Variants in CNOT6L observed in about 807,000 individuals in gnomAD.
CNOT6L encodes the protein CCR4-NOT transcription complex subunit 6-like.
A neutral mutation model predicts 64.0 loss-of-function variants in CNOT6L; 7 were observed. That is an observed-to-expected ratio of 0.11 (90% CI 0.06 to 0.21). The LOEUF (loss-of-function observed/expected upper bound fraction) is 0.21. Ranked by LOEUF, CNOT6L falls within the 10% of genes least tolerant of loss-of-function variation. The probability of loss-of-function intolerance (pLI) is 1.00; values close to 1 mark genes in which losing one functional copy is unlikely to be tolerated. For missense variants in CNOT6L, 245 were observed against 669.0 expected, an observed-to-expected ratio of 0.37 and a Z score of 6.99; for synonymous variants, 193 against 243.4, an observed-to-expected ratio of 0.79 and a Z score of 1.93.
At chr4:77,776,983 C>T (rs529720322) in intron 1 of CNOT6L, among the ~76,000 whole-genome samples, 27 of 152,290 alleles carry the variant, frequency 1.8e-4, no homozygotes, top group Non-Finnish European at 2.9e-4. Flanking sequence ...CCATGGAAGG[C>T]AGAGTCTGGA....
At position 77,716,021 on chromosome 4, in the gene CNOT6L, G is replaced by C. The variant is rs557471240; in HGVS notation, c.*4410C>G. 13 of 152,290 alleles carry C rather than the reference G, an allele frequency of 8.5e-5. No individual in the cohort carries two copies. The highest frequency in any genetic ancestry group is 1.8e-4 in the Non-Finnish European group (12 of 67,984). The allele number at this position is 152,290 out of a possible 1,614,324, so 9.4% of individuals were successfully genotyped here. On this transcript the variant is annotated 3_prime_UTR_variant, in exon 12 of 12. Coordinates refer to ENST00000504123, the MANE Select transcript of CNOT6L (RefSeq NM_144571.3). ...TTAGTTCAAGCTTCTGGCTTCCCTAGTTAATTTCTCTACCTACAATTCACA... is the reference window on the plus strand; with the variant it reads ...TTAGTTCAAGCTTCTGGCTTCCCTACTTAATTTCTCTACCTACAATTCACA...
chr4:77,773,057 C>T, intron 4 of CNOT6L, 24 bp downstream of exon 4: 1 of 1,526,738 alleles, frequency 6.5e-7, no homozygotes, highest in Non-Finnish European at 8.9e-7. Flanking sequence ...CAGAATACCT[C>T]AAAACTGTTT....
intron 11 of CNOT6L, among the ~76,000 whole-genome samples, chr4:77,722,265 C>T (rs1191178839): frequency 2.6e-5 from 4 of 151,942 alleles, no homozygotes; most frequent in African/African-American, 9.7e-5. Flanking sequence ...AACAGAATCT[C>T]CTATAGGGCT....
chr4:77,815,109 T>C (rs1380929046), intron 1 of CNOT6L, among the ~76,000 whole-genome samples: 5 of 152,142 alleles, frequency 3.3e-5, no homozygotes, highest in African/African-American at 1.2e-4. Context: ...TCCCTCAAAG[T>C]ATAAAGTAAT....
chr4:77,818,165 G>T (rs1041111221), intron 1 of CNOT6L, among the ~76,000 whole-genome samples: 2 of 152,190 alleles, frequency 1.3e-5, no homozygotes, highest in African/African-American at 4.8e-5. Flanking sequence ...ACGGTAAAAT[G>T]TAACACTGTG....
chr4:77,773,159 G>C lies in CNOT6L; in HGVS notation c.322C>G (p.Leu108Val). The C allele has an allele frequency of 1.3e-6, 2 of 1,541,822 alleles. No homozygotes were observed. The highest frequency in any genetic ancestry group is 1.7e-6 in the Non-Finnish European group (2 of 1,146,234). ...LGNMVSLREL[L>V]LNNNLLRVLP... ...ACCCGTAACAGATTGTTATTTAAAA[G>C]CAATTCCCTGTTTTAAAAAAAAAAA... The change falls in exon 4 of 12, where the codon CTT (leucine) becomes GTT (valine). Residue 108 changes from leucine to valine, a missense_variant. Coordinates refer to ENST00000504123, the MANE Select transcript of CNOT6L (RefSeq NM_144571.3).
chr4:77,742,028 T>C (rs1042881407), intron 8 of CNOT6L, 113 bp downstream of exon 8: 61 of 924,714 alleles, frequency 6.6e-5, no homozygotes, highest in Non-Finnish European at 9.2e-5. Flanking sequence ...AGTTGCATAA[T>C]ACTTGTTTTC....
intron 4 of CNOT6L, 33 bp downstream of exon 4, chr4:77,773,048 A>G: frequency 7.0e-7 from 1 of 1,431,964 alleles, no homozygotes; most frequent in Non-Finnish European, 9.6e-7. Flanking sequence ...TAAAAGGCTC[A>G]GAATACCTCA....
intron 9 of CNOT6L, among the ~76,000 whole-genome samples, chr4:77,730,590 G>C (rs966375190): frequency 1.3e-5 from 2 of 151,912 alleles, no homozygotes; most frequent in African/African-American, 4.8e-5. Flanking sequence ...AAAAACGGAG[G>C]GGCTAAGAAA....
At chr4:77,764,950 G>A (rs1726660815) in intron 4 of CNOT6L, among the ~76,000 whole-genome samples, 1 of 152,152 alleles carries the variant, frequency 6.6e-6, no homozygotes, top group Non-Finnish European at 1.5e-5. Context: ...TTGAGTAGGG[G>A]CTGGGTAAAA....
At chr4:77,755,787 C>T (rs1725495585) in intron 5 of CNOT6L, among the ~76,000 whole-genome samples, 1 of 152,096 alleles carries the variant, frequency 6.6e-6, no homozygotes, top group African/African-American at 2.4e-5. Context: ...GCCAAAATGT[C>T]ATCATGGCCA....
At chr4:77,778,685 A>G (rs528034668) in intron 1 of CNOT6L, among the ~76,000 whole-genome samples, 2 of 150,054 alleles carry the variant, frequency 1.3e-5, no homozygotes, top group Admixed American at 6.6e-5. Context: ...GATTACAGGC[A>G]TCCCAAAGTG....
chr4:77,773,020 A>T, intron 4 of CNOT6L, 61 bp downstream of exon 4: 1 of 1,076,352 alleles, frequency 9.3e-7, no homozygotes, highest in Non-Finnish European at 1.4e-6. Flanking sequence ...TGACCTTTTT[A>T]AAGGCCAAAA....
At chr4:77,778,758 G>T (rs1728451854) in intron 1 of CNOT6L, among the ~76,000 whole-genome samples, 1 of 151,600 alleles carries the variant, frequency 6.6e-6, no homozygotes, top group African/African-American at 2.4e-5. Context: ...ATAAAACACA[G>T]GGCAGGCCGG....
In CNOT6L at chr4:77,773,109, G is replaced by A. The variant is rs1432830843; in HGVS notation, c.372C>T (p.Leu124=). The change falls in exon 4 of 12, where the codon CTC becomes CTT. Residue 124 remains leucine (L), a synonymous_variant. Transcript: ENST00000504123. ...TCAAACCTAGAGTTTGTAGCTGGAAGAGCCGACCAAGTTCATAAGGCAAAA... is the reference window on the plus strand; with the variant it reads ...TCAAACCTAGAGTTTGTAGCTGGAAAAGCCGACCAAGTTCATAAGGCAAAA... ...LRVLPYELGR[L]FQLQTLGLKG... The A allele has an allele frequency of 3.7e-6, 6 of 1,602,604 alleles. No homozygotes were observed. Among genetic ancestry groups the A allele is most frequent in the Non-Finnish European group, 4.2e-6 (5 of 1,176,618 alleles).
At position 77,773,186 on chromosome 4, in the gene CNOT6L, A is replaced by G; in HGVS notation, c.315-20T>C. 6.7e-7 allele frequency: 1 copy of G among 1,489,420 alleles called. No homozygotes were observed. Among genetic ancestry groups the G allele is most frequent in the South Asian group, 1.3e-5 (1 of 78,030 alleles). The allele number at this position is 1,489,420 out of a possible 1,614,324, so 92.3% of individuals were successfully genotyped here. On this transcript the variant is annotated intron_variant, in intron 3 of 11. Transcript: ENST00000504123. ...AATTCCCTGTTTTAAAAAAAAAAAA[A>G]AAATTAGTTTAATATACTAAGTTTT...
chr4:77,766,934 G>A (rs959809987), intron 4 of CNOT6L, among the ~76,000 whole-genome samples: 1 of 151,204 alleles, frequency 6.6e-6, no homozygotes, highest in African/African-American at 2.4e-5. Flanking sequence ...GTAGTGGCAG[G>A]AGCCTGTAAT....
chr4:77,773,025 C>A lies in CNOT6L; in HGVS notation c.400+56G>T, dbSNP rs993569538. On this transcript the variant is annotated intron_variant, in intron 4 of 11. Coordinates refer to ENST00000504123, the MANE Select transcript of CNOT6L (RefSeq NM_144571.3). The stretch of plus-strand genomic sequence containing the variant: ...TACTAAAACTTGACCTTTTTAAAGG[C>A]CAAAATGCTCTTTAAAAGGCTCAGA... 7.1e-6 allele frequency: 8 copies of A among 1,132,050 alleles called. No individual in the cohort carries two copies. The African/African-American group carries it at 7.9e-5, about 11-fold the overall frequency. 70.1% of individuals were successfully genotyped at this position (1,132,050 alleles called of 1,614,324 possible). A position where few individuals can be genotyped will look rare whatever the true frequency, so the allele number is the denominator to read the frequency against.
At chr4:77,736,814 A>G (rs1477088408) in intron 8 of CNOT6L, among the ~76,000 whole-genome samples, 9 of 152,126 alleles carry the variant, frequency 5.9e-5, no homozygotes, top group African/African-American at 1.9e-4. Flanking sequence ...GTATATTCAC[A>G]TTTTTGAAAA....
Sources: allele counts gnomAD v4.1 joint callset (sites outside exome capture counted in the v4.1 genomes callset), GRCh38; gene constraint gnomAD v4.1.1; transcripts MANE v1.5; gene names NCBI Gene and HGNC (gene_info 2026-07-23, HGNC 2026-07-21).